The following EXO1 variants were observed in gnomAD, a reference collection of about 807,000 sequenced individuals.
The protein encoded by EXO1 is exonuclease 1.
EXO1 carries 69 observed loss-of-function variants against 84.5 expected under a neutral mutation model. That is an observed-to-expected ratio of 0.82 (90% CI 0.67 to 1.00). EXO1 has a LOEUF of 1.00. Ranked by LOEUF, EXO1 falls within the 50% of genes least tolerant of loss-of-function variation. EXO1 has a pLI of 0.00. For synonymous variants in EXO1, 373 were observed against 366.1 expected (o/e 1.02, Z -0.21); for missense variants, 1,045 against 1,000.7 (o/e 1.04, Z -0.60).
intron 9 of EXO1, 76 bp downstream of exon 9, chr1:241,860,780 A>T (rs1415400578): frequency 1.7e-6 from 2 of 1,183,096 alleles, no homozygotes; most frequent in East Asian, 2.3e-5. Flanking sequence ...TTTGTGAGGC[A>T]TTTAGTAAAA....
chr1:241,880,616 T>C (rs1426706933), intron 13 of EXO1, among the ~76,000 whole-genome samples: 2 of 152,362 alleles, frequency 1.3e-5, no homozygotes, highest in Non-Finnish European at 2.9e-5. Context: ...TGCTGCCAGA[T>C]GTAGTAAACT....
chr1:241,857,265 A>G, intron 6 of EXO1, 80 bp from the exon 7 acceptor site: 2 of 1,396,100 alleles, frequency 1.4e-6, no homozygotes, highest in Non-Finnish European at 1.0e-6. Flanking sequence ...GAGGCTAGTA[A>G]TAAAGTGGGT....
At position 241,885,649 on chromosome 1, in the gene EXO1, A is replaced by G. The variant is rs545852585; in HGVS notation, c.2405+142A>G. 5.3e-4 allele frequency: 382 copies of G among 723,498 alleles called. No homozygotes were observed. The African/African-American group carries it at 5.9e-3, about 11-fold the overall frequency. The allele number at this position is 723,498 out of a possible 1,614,324, so 44.8% of individuals were successfully genotyped here. A position where few individuals can be genotyped will look rare whatever the true frequency, so the allele number is the denominator to read the frequency against. ...ATAATTATTTTTCTCTCTTCCCTTT[A>G]GCTAACTCTTTATACTTAATATCAA... On this transcript the variant is annotated intron_variant, in intron 15 of 15. Transcript: ENST00000366548.
chr1:241,887,368 C>T (rs910718416), intron 15 of EXO1, among the ~76,000 whole-genome samples: 2 of 152,076 alleles, frequency 1.3e-5, no homozygotes, highest in Non-Finnish European at 2.9e-5. Context: ...ACTTTTAATG[C>T]ATCTTTTACA....
At chr1:241,857,513 T>G (rs757880338) in intron 7 of EXO1, 31 bp downstream of exon 7, 1 of 1,583,426 alleles carries the variant, frequency 6.3e-7, no homozygotes, top group Non-Finnish European at 8.7e-7. Flanking sequence ...TATATTACTT[T>G]TCTATGTAGA....
At chr1:241,855,705 G>A (rs1660968497) in intron 6 of EXO1, among the ~76,000 whole-genome samples, 1 of 152,248 alleles carries the variant, frequency 6.6e-6, no homozygotes. Flanking sequence ...ATGGCGGGCT[G>A]CAGTCCCGAG....
chr1:241,879,584 G>A (rs1418761), intron 13 of EXO1, among the ~76,000 whole-genome samples: 143,821 of 152,300 alleles, frequency 0.94, 68,085 homozygotes, highest in Non-Finnish European at 0.98. Flanking sequence ...CTGTATGTTC[G>A]ATTGGTGAGT....
intron 10 of EXO1, among the ~76,000 whole-genome samples, chr1:241,863,750 A>G (rs1442486600): frequency 1.3e-5 from 2 of 152,210 alleles, no homozygotes. Flanking sequence ...TCCATGTAAT[A>G]CGGTAGCCAC....
rs773359403 is a variant in EXO1, at chr1:241,857,445, C to T, written c.506C>T (p.Thr169Ile). The T allele has an allele frequency of 1.9e-6, 3 of 1,613,982 alleles. No individual in the cohort carries two copies. In the South Asian group the frequency reaches 3.3e-5, roughly 18 times the overall value. ...NKAGIVQAII[T>I]EDSDLLAFGC... Reference sequence around the variant, plus strand: ...GCGGGAATTGTGCAAGCCATAATTACAGAGGACTCGGATCTCCTAGCTTTT... The same window carrying T: ...GCGGGAATTGTGCAAGCCATAATTATAGAGGACTCGGATCTCCTAGCTTTT... The change falls in exon 7 of 16, where the codon ACA becomes ATA. Residue 169 changes from threonine (T) to isoleucine (I), a missense_variant. Thr to Ile is a moderately conservative substitution (Grantham distance 89). Transcript: ENST00000366548.
chr1:241,885,564 C>G, intron 15 of EXO1, 57 bp downstream of exon 15: 12 of 1,291,704 alleles, frequency 9.3e-6, no homozygotes, highest in Non-Finnish European at 1.4e-5. Flanking sequence ...TCTGTAATTT[C>G]CATCCCTTTC....
intron 13 of EXO1, among the ~76,000 whole-genome samples, chr1:241,880,847 G>A (rs1662711435): frequency 6.6e-6 from 1 of 152,126 alleles, no homozygotes; most frequent in South Asian, 2.1e-4. Context: ...ATTCTGTGTT[G>A]AGTTCATTGA....
At chr1:241,881,864 A>G in intron 13 of EXO1, 52 bp from the exon 14 acceptor site, 1 of 892,682 alleles carries the variant, frequency 1.1e-6, no homozygotes, top group Non-Finnish European at 1.8e-6. Context: ...TGTCATAAAA[A>G]TTCTACAGTA....
intron 10 of EXO1, 36 bp from the exon 11 acceptor site, chr1:241,866,794 T>A (rs780304214): frequency 1.4e-6 from 2 of 1,409,452 alleles, no homozygotes; most frequent in Non-Finnish European, 2.0e-6. Flanking sequence ...GATTATTTTC[T>A]TTCTGCAAAT....
At chr1:241,861,160 T>C (rs1661359681) in intron 9 of EXO1, among the ~76,000 whole-genome samples, 1 of 152,158 alleles carries the variant, frequency 6.6e-6, no homozygotes, top group African/African-American at 2.4e-5. Context: ...CCCCTCTGTT[T>C]CCCTTAAAGG....
intron 11 of EXO1, among the ~76,000 whole-genome samples, chr1:241,868,950 T>A (rs1287569483): frequency 6.6e-6 from 1 of 152,254 alleles, no homozygotes; most frequent in Non-Finnish European, 1.5e-5. Context: ...ATTTGCAACC[T>A]TGCTCACGTC....
chr1:241,850,434 A>G lies in EXO1; in HGVS notation c.9A>G (p.Ile3Met). 5 of 1,613,606 alleles carry G rather than the reference A, an allele frequency of 3.1e-6. No homozygotes were observed. The highest frequency in any genetic ancestry group is 4.2e-6 in the Non-Finnish European group (5 of 1,179,518). Residue 3 changes from isoleucine (I) to methionine (M), a missense_variant, in exon 4 of 16, where the codon ATA (isoleucine) becomes ATG (methionine). Ile to Met is a conservative substitution (Grantham distance 10, BLOSUM62 1). Transcript: ENST00000366548. Reference protein sequence around the residue: MGIQGLLQFIKEA... With the variant: MGMQGLLQFIKEA... ...GTAGTTAATTTGGCACCATGGGGATACAGGGATTGCTACAATTTATCAAAG... is the reference window on the plus strand; with the variant it reads ...GTAGTTAATTTGGCACCATGGGGATGCAGGGATTGCTACAATTTATCAAAG...
intron 14 of EXO1, among the ~76,000 whole-genome samples, chr1:241,883,955 A>G: frequency 6.6e-6 from 1 of 152,174 alleles, no homozygotes; most frequent in Admixed American, 6.5e-5. Context: ...CAGGGATTTA[A>G]CTACCACTTC....
At chr1:241,875,223 C>T (rs753709576) in intron 12 of EXO1, among the ~76,000 whole-genome samples, 8 of 152,268 alleles carry the variant, frequency 5.3e-5, no homozygotes, top group Non-Finnish European at 1.2e-4. Context: ...AGGCTGGTGT[C>T]GAACTCCTGA....
intron 15 of EXO1, among the ~76,000 whole-genome samples, chr1:241,887,072 C>T (rs77611507): frequency 6.6e-6 from 1 of 152,310 alleles, no homozygotes; most frequent in African/African-American, 2.4e-5. Context: ...CTAAATCCAA[C>T]AACTTGTAGT....
Sources: allele counts gnomAD v4.1 joint callset (sites outside exome capture counted in the v4.1 genomes callset), GRCh38; gene constraint gnomAD v4.1.1; transcripts MANE v1.5; gene names NCBI Gene and HGNC (gene_info 2026-07-23, HGNC 2026-07-21).